HSDL2: variants seen among roughly 807,000 people sequenced by gnomAD.
HSDL2 encodes the protein hydroxysteroid dehydrogenase like 2, also known as hydroxysteroid dehydrogenase-like protein 2.
A neutral mutation model predicts 46.3 loss-of-function variants in HSDL2; 27 were observed. The observed-to-expected ratio is 0.58, with a 90% CI of 0.43 to 0.80. The LOEUF is 0.80. Among genes scored for constraint, HSDL2 ranks in the 30% least tolerant of loss-of-function variants. The probability of loss-of-function intolerance (pLI) is 0.00; values close to 1 mark genes in which losing one functional copy is unlikely to be tolerated. For synonymous variants in HSDL2, 153 were observed against 163.6 expected (o/e 0.94, Z 0.50); for missense variants, 451 against 502.7 (o/e 0.90, Z 0.98).
chr9:112,470,408 C>T, intron 10 of HSDL2, 24 bp from the exon 11 acceptor site: 3 of 1,473,268 alleles, frequency 2.0e-6, no homozygotes, highest in Non-Finnish European at 2.8e-6. Context: ...GGTTGCTTTT[C>T]CCTCTCTCAT....
chr9:112,389,684 A>G (rs1008793065), intron 1 of HSDL2, among the ~76,000 whole-genome samples: 8 of 152,310 alleles, frequency 5.3e-5, no homozygotes, highest in African/African-American at 1.7e-4. Context: ...AAAAATGTCA[A>G]TTCTTTCCAC....
chr9:112,394,261 T>C (rs1831411215), intron 1 of HSDL2, among the ~76,000 whole-genome samples: 1 of 151,780 alleles, frequency 6.6e-6, no homozygotes, highest in Admixed American at 6.6e-5. Flanking sequence ...AAGTTCTGGG[T>C]GTTCTGGGCT....
intron 8 of HSDL2, among the ~76,000 whole-genome samples, chr9:112,451,230 A>G (rs889217942): frequency 2.0e-5 from 3 of 152,296 alleles, no homozygotes; most frequent in South Asian, 2.1e-4. Flanking sequence ...TCATAGCTCA[A>G]TTTTAAAATT....
chr9:112,408,864 A>T, intron 3 of HSDL2, 43 bp from the exon 4 acceptor site: 1 of 1,088,112 alleles, frequency 9.2e-7, no homozygotes, highest in Non-Finnish European at 1.4e-6. Flanking sequence ...TGTGTGTGAT[A>T]AAAAGTCTTT....
chr9:112,385,666 T>TG (rs1456826431), intron 1 of HSDL2, among the ~76,000 whole-genome samples: 4 of 151,906 alleles, frequency 2.6e-5, no homozygotes. Context: ...TTTTTTTTTT[T>TG]GTATTTTTAG....
At chr9:112,456,890 C>T (rs562950069) in intron 9 of HSDL2, among the ~76,000 whole-genome samples, 1 of 152,164 alleles carries the variant, frequency 6.6e-6, no homozygotes, top group Non-Finnish European at 1.5e-5. Flanking sequence ...CTGGGTGGCT[C>T]GTGCCTATTA....
chr9:112,443,687 G>C (rs1421592148), intron 8 of HSDL2, among the ~76,000 whole-genome samples: 1 of 152,160 alleles, frequency 6.6e-6, no homozygotes, highest in Non-Finnish European at 1.5e-5. Context: ...CTATGATTGA[G>C]CTACAGCACT....
intron 6 of HSDL2, among the ~76,000 whole-genome samples, chr9:112,427,081 G>C (rs941866888): frequency 1.3e-5 from 2 of 151,952 alleles, no homozygotes; most frequent in Admixed American, 1.3e-4. Flanking sequence ...TCGAGGCAGA[G>C]TCTCACTCTG....
intron 2 of HSDL2, among the ~76,000 whole-genome samples, 192 bp from the exon 3 acceptor site, chr9:112,405,432 G>A (rs1467615687): frequency 3.3e-5 from 5 of 152,100 alleles, no homozygotes; most frequent in Non-Finnish European, 5.9e-5. Context: ...CCAAACCTTC[G>A]TTTTTGTTTT....
In HSDL2 at chr9:112,427,184, A is replaced by T. The variant is rs181223779; in HGVS notation, c.598+8226A>T. On this transcript the variant is annotated intron_variant, in intron 6 of 10. Coordinates refer to ENST00000398805, the MANE Select transcript of HSDL2 (RefSeq NM_032303.5). Reference sequence around the variant, plus strand: ...ATTCTCCTGCCCCAGCCTCCCGAGTAGCTGGGATTATAGGCGCCCACCGCT... The same window carrying T: ...ATTCTCCTGCCCCAGCCTCCCGAGTTGCTGGGATTATAGGCGCCCACCGCT... Among the ~76,000 whole-genome samples, 26 of 152,100 alleles carry T rather than the reference A, an allele frequency of 1.7e-4. No individual in the cohort carries two copies. The East Asian group carries it at 5.0e-3, about 29-fold the overall frequency.
intron 9 of HSDL2, 62 bp downstream of exon 9, chr9:112,454,224 A>C: frequency 2.1e-6 from 3 of 1,412,526 alleles, no homozygotes; most frequent in Non-Finnish European, 2.9e-6. Flanking sequence ...TTCCTTTGGA[A>C]GAAAATCAGC....
At chr9:112,423,759 A>G (rs979621747) in intron 6 of HSDL2, among the ~76,000 whole-genome samples, 1 of 152,058 alleles carries the variant, frequency 6.6e-6, no homozygotes, top group Admixed American at 6.5e-5. Context: ...TCTGTCGCCC[A>G]GGCTGGAGTG....
At chr9:112,405,534 G>T (rs929329252) in intron 2 of HSDL2, 90 bp from the exon 3 acceptor site, 2 of 829,264 alleles carry the variant, frequency 2.4e-6, no homozygotes, top group African/African-American at 1.7e-5. Context: ...CTGAAAACAG[G>T]GTACTTTTTT....
intron 8 of HSDL2, among the ~76,000 whole-genome samples, chr9:112,444,225 C>T (rs1462988217): frequency 6.6e-6 from 1 of 152,168 alleles, no homozygotes; most frequent in South Asian, 2.1e-4. Flanking sequence ...TTCTTATGTC[C>T]TCTCATAGTT....
At chr9:112,396,586 G>A (rs536143194) in intron 1 of HSDL2, among the ~76,000 whole-genome samples, 10 of 152,106 alleles carry the variant, frequency 6.6e-5, no homozygotes, top group Non-Finnish European at 1.5e-4. Flanking sequence ...GACACCATAA[G>A]TTTATTCTCA....
chr9:112,438,477 A>C lies in HSDL2; in HGVS notation c.645A>C (p.Glu215Asp), dbSNP rs748786544. The change falls in exon 7 of 11, where the codon GAA (glutamate) becomes GAC (aspartate). Residue 215 changes from glutamate to aspartate, a missense_variant. Glu to Asp is a conservative substitution (Grantham distance 45). Transcript: ENST00000398805. ...ATATGCTGGGAGGACCTGGTATCGA[A>C]AGCCAGTGTAGAAAAGTTGATATCA... ...AMDMLGGPGI[E>D]SQCRKVDIIA... 1 of 1,610,072 alleles carries C rather than the reference A, an allele frequency of 6.2e-7. No individual in the cohort carries two copies. The highest frequency in any genetic ancestry group is 2.2e-5 in the East Asian group (1 of 44,776).
At chr9:112,435,330 A>G (rs1480281010) in intron 6 of HSDL2, among the ~76,000 whole-genome samples, 1 of 152,194 alleles carries the variant, frequency 6.6e-6, no homozygotes, top group Admixed American at 6.5e-5. Context: ...TGTAGTTTAC[A>G]TGGAGACTAG....
intron 9 of HSDL2, among the ~76,000 whole-genome samples, chr9:112,456,591 C>G (rs1587967068): frequency 1.3e-5 from 2 of 152,156 alleles, no homozygotes; most frequent in Non-Finnish European, 2.9e-5. Context: ...TCTCGACACT[C>G]TATTCCTGAC....
At chr9:112,461,913 T>G (rs762956100) in intron 10 of HSDL2, among the ~76,000 whole-genome samples, 13 of 152,350 alleles carry the variant, frequency 8.5e-5, no homozygotes, top group Admixed American at 5.2e-4. Context: ...AATGTGGTCT[T>G]GGATTCACTG....
Sources: gnomAD v4.1 joint callset for allele counts (sites outside exome capture counted in the v4.1 genomes callset) on GRCh38, gnomAD v4.1.1 for gene constraint, MANE v1.5 for transcripts, NCBI Gene and HGNC (gene_info 2026-07-23, HGNC 2026-07-21) for gene names.